The following SYN2 variants were observed in gnomAD, a reference collection of about 807,000 sequenced individuals.
SYN2 encodes synapsin II.
SYN2 carries 19 observed loss-of-function variants against 50.9 expected under a neutral mutation model. That is an observed-to-expected ratio of 0.37 (90% confidence interval 0.26 to 0.55). SYN2 has a LOEUF of 0.55. Ranked by LOEUF, SYN2 falls within the 20% of genes least tolerant of loss-of-function variation. The pLI is 0.81. For missense variants in SYN2, 587 were observed against 576.4 expected (o/e 1.02, Z -0.19); for synonymous variants, 255 against 224.9 (o/e 1.13, Z -1.20).
At chr3:12,034,955 T>C (rs184386201) in intron 1 of SYN2, among the ~76,000 whole-genome samples, 6 of 152,298 alleles carry the variant, frequency 3.9e-5, no homozygotes, top group African/African-American at 1.2e-4. Flanking sequence ...AAATCAGATA[T>C]GGGTGAGACT....
intron 1 of SYN2, among the ~76,000 whole-genome samples, chr3:12,048,753 T>C (rs1339233779): frequency 6.6e-6 from 1 of 152,178 alleles, no homozygotes; most frequent in African/African-American, 2.4e-5. Flanking sequence ...TTAAAAAGTA[T>C]GTGAATTGAG....
intron 1 of SYN2, among the ~76,000 whole-genome samples, chr3:12,035,613 A>G (rs1418824107): frequency 6.6e-6 from 1 of 152,200 alleles, no homozygotes; most frequent in Non-Finnish European, 1.5e-5. Flanking sequence ...GCTATCATAA[A>G]TTGATTTGAC....
At chr3:12,126,399 T>C (rs1696672817) in intron 1 of SYN2, among the ~76,000 whole-genome samples, 1 of 152,252 alleles carries the variant, frequency 6.6e-6, no homozygotes, top group African/African-American at 2.4e-5. Flanking sequence ...ACTTTCATGC[T>C]GTACTACCTT....
At chr3:12,176,866 A>T (rs760076686) in intron 10 of SYN2, among the ~76,000 whole-genome samples, 2 of 152,222 alleles carry the variant, frequency 1.3e-5, no homozygotes, top group African/African-American at 2.4e-5. Flanking sequence ...GACCCAGTGT[A>T]GGGAGTAAAC....
intron 1 of SYN2, among the ~76,000 whole-genome samples, chr3:12,123,243 A>C (rs1233106927): frequency 6.6e-6 from 1 of 152,236 alleles, no homozygotes; most frequent in Admixed American, 6.5e-5. Context: ...TGGGAAGCAC[A>C]TCAAAGTTCC....
intron 1 of SYN2, among the ~76,000 whole-genome samples, chr3:12,107,208 A>G (rs1696211534): frequency 6.6e-6 from 1 of 152,228 alleles, no homozygotes; most frequent in Non-Finnish European, 1.5e-5. Context: ...AATACTTGAA[A>G]TTGGGCATCA....
intron 1 of SYN2, among the ~76,000 whole-genome samples, chr3:12,049,567 T>G (rs1028922951): frequency 1.3e-5 from 2 of 151,592 alleles, no homozygotes; most frequent in African/African-American, 4.8e-5. Context: ...ATGAGGGAAC[T>G]GAGTACTAGT....
At chr3:12,118,676 G>A (rs1427997745) in intron 1 of SYN2, among the ~76,000 whole-genome samples, 2 of 152,066 alleles carry the variant, frequency 1.3e-5, no homozygotes, top group Non-Finnish European at 1.5e-5. Context: ...AGAAGTTTAG[G>A]GGGTCCATAT....
At chr3:12,075,880 A>G (rs752506516) in intron 1 of SYN2, among the ~76,000 whole-genome samples, 19 of 152,194 alleles carry the variant, frequency 1.2e-4, no homozygotes. Flanking sequence ...TTTAAAGAGC[A>G]TATAGCTGAT....
chr3:12,092,400 A>T lies in SYN2; in HGVS notation c.378-48251A>T, dbSNP rs967879903. On this transcript the variant is annotated intron_variant, in intron 1 of 12. Transcript: ENST00000621198. ...CTCATTCTAGTAGGGAATACAAATG[A>T]GAGCAATTAACCTCTCATCTGTGAG... is the stretch of plus-strand genomic sequence containing the variant. 2.0e-5 allele frequency among the ~76,000 whole-genome samples: 3 copies of T among 152,154 alleles called. No individual in the cohort carries two copies. In the East Asian group the frequency reaches 5.8e-4, roughly 29 times the overall value.
At chr3:12,100,438 G>A (rs1696046933) in intron 1 of SYN2, among the ~76,000 whole-genome samples, 1 of 152,108 alleles carries the variant, frequency 6.6e-6, no homozygotes, top group African/African-American at 2.4e-5. Flanking sequence ...ACATGCAAAA[G>A]AATGAGATTG....
intron 1 of SYN2, among the ~76,000 whole-genome samples, chr3:12,128,479 C>A (rs1197415468): frequency 6.6e-6 from 1 of 152,200 alleles, no homozygotes; most frequent in African/African-American, 2.4e-5. Context: ...AATTTCCCTT[C>A]TTCAGGCTTC....
chr3:12,171,537 G>T (rs1697935845), intron 10 of SYN2, among the ~76,000 whole-genome samples: 4 of 152,180 alleles, frequency 2.6e-5, no homozygotes, highest in African/African-American at 9.7e-5. Context: ...CAGACAGAAT[G>T]GGCTGCTCTG....
At chr3:12,179,633 G>A (rs1698177529) in intron 10 of SYN2, among the ~76,000 whole-genome samples, 1 of 152,136 alleles carries the variant, frequency 6.6e-6, no homozygotes, top group Non-Finnish European at 1.5e-5. Flanking sequence ...ATACCATTTG[G>A]GAAACTGTGA....
chr3:12,162,163 G>A lies in SYN2; in HGVS notation c.980+9G>A. ...AACTACAAGGCTTACATGTGAGTAAGAGTGGGGTATGTTTTCTCCTCAGTG... is the reference window on the plus strand; with the variant it reads ...AACTACAAGGCTTACATGTGAGTAAAAGTGGGGTATGTTTTCTCCTCAGTG... On this transcript the variant is annotated intron_variant, in intron 7 of 12. Transcript: ENST00000621198. 6.2e-7 allele frequency: 1 copy of A among 1,613,888 alleles called. No individual in the cohort carries two copies. Among genetic ancestry groups the A allele is most frequent in the Non-Finnish European group, 8.5e-7 (1 of 1,179,846 alleles).
intron 1 of SYN2, among the ~76,000 whole-genome samples, chr3:12,119,709 A>G (rs1696510067): frequency 6.6e-6 from 1 of 152,074 alleles, no homozygotes; most frequent in Non-Finnish European, 1.5e-5. Flanking sequence ...GATTTTACCT[A>G]TGTCAGGAAA....
chr3:12,098,876 T>TAC (rs2125187502), intron 1 of SYN2, among the ~76,000 whole-genome samples: 1 of 148,360 alleles, frequency 6.7e-6, no homozygotes, highest in South Asian at 2.1e-4. Context: ...TATATATATA[T>TAC]ATATAATGCA....
intron 10 of SYN2, among the ~76,000 whole-genome samples, chr3:12,170,784 T>C (rs1455434411): frequency 6.6e-6 from 1 of 152,248 alleles, no homozygotes; most frequent in Non-Finnish European, 1.5e-5. Context: ...TTCTCTCGGC[T>C]ATCTTTCCAT....
chr3:12,121,704 AGGAG>A, intron 1 of SYN2, among the ~76,000 whole-genome samples: 3 of 142,498 alleles, frequency 2.1e-5, no homozygotes, highest in African/African-American at 7.6e-5. Context: ...GAGGGCAGGG[AGGAG>A]GGAGGAAGGG....
Sources: allele counts gnomAD v4.1 joint callset (sites outside exome capture counted in the v4.1 genomes callset), GRCh38; gene constraint gnomAD v4.1.1; transcripts MANE v1.5; gene names NCBI Gene and HGNC (gene_info 2026-07-23, HGNC 2026-07-21).